Variants in NR5A2 observed in about 807,000 individuals in gnomAD.
NR5A2 encodes the protein CYP7A promoter-binding factor.
A neutral mutation model predicts 62.7 loss-of-function variants in NR5A2; 26 were observed. That is an observed-to-expected ratio of 0.41 (90% CI 0.30 to 0.58). NR5A2 has a LOEUF of 0.58. Among genes scored for constraint, NR5A2 ranks in the 20% least tolerant of loss-of-function variants. The pLI, the probability that NR5A2 is intolerant of heterozygous loss-of-function variation, is 0.22. For synonymous variants in NR5A2, 246 were observed against 241.7 expected (o/e 1.02, Z -0.16); for missense variants, 541 against 669.1 (o/e 0.81, Z 2.11).
At chr1:200,094,597 A>T (rs1046585498) in intron 5 of NR5A2, among the ~76,000 whole-genome samples, 21 of 118,974 alleles carry the variant, frequency 1.8e-4, no homozygotes, top group Non-Finnish European at 2.8e-4. Flanking sequence ...CAGTGGTTCG[A>T]TCTCGGCTCA....
chr1:200,147,651 G>C lies in NR5A2; in HGVS notation c.1379-26312G>C. On this transcript the variant is annotated intron_variant, in intron 7 of 7. Transcript: ENST00000367362. This position sits in a 1 kb window ranked among gnomAD's most constrained non-coding sequence, Gnocchi z 4.9. ...GCTTGCCCTGGATCTTGTCGATTGA[G>C]TTGAAGTCGGACACGTGGAAGACAT... 1 of 704,700 alleles carries C rather than the reference G, an allele frequency of 1.4e-6. No homozygotes were observed. The highest frequency in any genetic ancestry group is 2.7e-6 in the Non-Finnish European group (1 of 374,916). The allele number at this position is 704,700 out of a possible 1,614,324, so 43.7% of individuals were successfully genotyped here.
At chr1:200,127,559 C>G (rs1666758390) in intron 7 of NR5A2, among the ~76,000 whole-genome samples, 1 of 150,730 alleles carries the variant, frequency 6.6e-6, no homozygotes, top group East Asian at 1.9e-4. Flanking sequence ...CACCTGTAAT[C>G]CCAGCTATTT....
chr1:200,072,182 A>G (rs1470890235), intron 5 of NR5A2, among the ~76,000 whole-genome samples: 1 of 152,208 alleles, frequency 6.6e-6, no homozygotes, highest in African/African-American at 2.4e-5. Context: ...TAATACTGGG[A>G]AACCCTATTG....
In NR5A2 at chr1:200,043,835, G is replaced by A. The variant is rs201645640; in HGVS notation, c.264G>A (p.Val88=). The change falls in exon 3 of 8, where the codon GTG becomes GTA. Residue 88 remains valine (V), a synonymous_variant. Coordinates refer to ENST00000367362, the MANE Select transcript of NR5A2 (RefSeq NM_205860.3). The part of the protein sequence containing the change: ...YDEDLEELCP[V]CGDKVSGYHY... ...AAGATCTGGAAGAGCTTTGTCCCGT[G>A]TGTGGAGATAAAGTGTCTGGGTACC... is the stretch of plus-strand genomic sequence containing the variant. The A allele has an allele frequency of 1.3e-4, 207 of 1,613,850 alleles. No homozygotes were observed. The highest frequency in any genetic ancestry group is 1.7e-4 in the Non-Finnish European group (197 of 1,179,932).
intron 5 of NR5A2, among the ~76,000 whole-genome samples, chr1:200,095,119 T>C (rs1473413280): frequency 1.5e-5 from 1 of 66,702 alleles, no homozygotes; most frequent in Non-Finnish European, 3.0e-5. Context: ...GACCTCCTTT[T>C]TAATAAAAAG....
intron 5 of NR5A2, among the ~76,000 whole-genome samples, chr1:200,050,782 CT>C (rs1466772432): frequency 6.6e-6 from 1 of 152,162 alleles, no homozygotes; most frequent in East Asian, 1.9e-4. Context: ...ATCCCAGCTT[CT>C]AGGGAGGCTG....
chr1:200,162,679 C>T (rs944634442), intron 7 of NR5A2, among the ~76,000 whole-genome samples: 1 of 151,976 alleles, frequency 6.6e-6, no homozygotes, highest in Non-Finnish European at 1.5e-5. Context: ...AGATTCAAGA[C>T]GCAATTAGAA....
At chr1:200,032,854 T>C (rs1661596375) in intron 1 of NR5A2, among the ~76,000 whole-genome samples, 1 of 152,224 alleles carries the variant, frequency 6.6e-6, no homozygotes, top group African/African-American at 2.4e-5. Context: ...ACATACTCTT[T>C]CTCCAAAGTG....
intron 5 of NR5A2, among the ~76,000 whole-genome samples, chr1:200,079,510 C>T (rs1025754794): frequency 1.3e-5 from 2 of 152,204 alleles, no homozygotes; most frequent in African/African-American, 4.8e-5. Context: ...TTCCACAAGC[C>T]TCTCAGGCTT....
In NR5A2 at chr1:200,033,371, A is replaced by G. The variant is rs2246062; in HGVS notation, c.64+5460A>G. ...AAACATACTGTTGTACCATGAGAGGAGGGGATAGGGAAAGACAATTTAGGT... is the reference window on the plus strand; with the variant it reads ...AAACATACTGTTGTACCATGAGAGGGGGGGATAGGGAAAGACAATTTAGGT... On this transcript the variant is annotated intron_variant, in intron 1 of 7. Coordinates refer to ENST00000367362, the MANE Select transcript of NR5A2 (RefSeq NM_205860.3). Among the ~76,000 whole-genome samples the G allele has an allele frequency of 5.8e-3, 890 of 152,180 alleles. 4 individuals carry two copies. The highest frequency in any genetic ancestry group is 8.5e-3 in the Non-Finnish European group (580 of 68,004).
At chr1:200,059,744 A>G (rs764886420) in intron 5 of NR5A2, among the ~76,000 whole-genome samples, 8 of 152,146 alleles carry the variant, frequency 5.3e-5, no homozygotes, top group Non-Finnish European at 7.4e-5. Flanking sequence ...GATCTTTTTT[A>G]TTTTCCAGGA....
At chr1:200,037,109 A>G (rs1044128337) in intron 1 of NR5A2, among the ~76,000 whole-genome samples, 1 of 152,128 alleles carries the variant, frequency 6.6e-6, no homozygotes, top group Non-Finnish European at 1.5e-5. Flanking sequence ...ACTGGCATGG[A>G]CCAAGAAGTC....
In NR5A2 at chr1:200,039,855, T is replaced by TGAAGGCTTCAGCCTCCCGCCCC; in HGVS notation, c.202+61_202+62insAAGGCTTCAGCCTCCCGCCCCG. On this transcript the variant is annotated intron_variant, in intron 2 of 7. Transcript: ENST00000367362. The surrounding 1 kb of genome is among the most constrained non-coding windows in gnomAD (Gnocchi z 5.1). Reference sequence around the variant, plus strand: ...TGCTTCCCCACCCCCGGGCTCGCCCTGCAGGCTTCAGCCTCCCGCCCCGCG... The same window carrying TGAAGGCTTCAGCCTCCCGCCCC: ...TGCTTCCCCACCCCCGGGCTCGCCCTGAAGGCTTCAGCCTCCCGCCCCGCAGGCTTCAGCCTCCCGCCCCGCG... 2 of 1,532,456 alleles carry TGAAGGCTTCAGCCTCCCGCCCC rather than the reference T, an allele frequency of 1.3e-6. No individual in the cohort carries two copies. The highest frequency in any genetic ancestry group is 1.7e-6 in the Non-Finnish European group (2 of 1,145,816). The allele number at this position is 1,532,456 out of a possible 1,614,324, so 94.9% of individuals were successfully genotyped here. A position where few individuals can be genotyped will look rare whatever the true frequency, so the allele number is the denominator to read the frequency against.
In NR5A2 at chr1:200,147,664, A is replaced by G. The variant is rs759077470; in HGVS notation, c.1379-26299A>G. ...CTTGTCGATTGAGTTGAAGTCGGAC[A>G]CGTGGAAGACATGGGTGGACTTGGG... is the stretch of plus-strand genomic sequence containing the variant. On this transcript the variant is annotated intron_variant, in intron 7 of 7. Transcript: ENST00000367362. This position sits in a 1 kb window ranked among gnomAD's most constrained non-coding sequence, Gnocchi z 4.9. 1.4e-6 allele frequency: 1 copy of G among 698,798 alleles called. No individual in the cohort carries two copies. Among genetic ancestry groups the G allele is most frequent in the Non-Finnish European group, 2.7e-6 (1 of 370,758 alleles). 43.3% of individuals were successfully genotyped at this position (698,798 alleles called of 1,614,324 possible).
At chr1:200,172,426 C>T (rs1654224997) in intron 7 of NR5A2, among the ~76,000 whole-genome samples, 1 of 152,172 alleles carries the variant, frequency 6.6e-6, no homozygotes, top group African/African-American at 2.4e-5. Context: ...CACCGGAAGA[C>T]TCAGAGCTCC....
At chr1:200,128,427 C>T (rs1666822638) in intron 7 of NR5A2, among the ~76,000 whole-genome samples, 2 of 152,186 alleles carry the variant, frequency 1.3e-5, no homozygotes, top group African/African-American at 4.8e-5. Flanking sequence ...TTCTTAAAGA[C>T]TTCCTCCTTG....
At chr1:200,089,661 G>C (rs1210653981) in intron 5 of NR5A2, among the ~76,000 whole-genome samples, 2 of 151,728 alleles carry the variant, frequency 1.3e-5, no homozygotes, top group Non-Finnish European at 2.9e-5. Flanking sequence ...GTAGAGATGG[G>C]GTTTTGCCAT....
At chr1:200,150,161 A>T (rs1653001364) in intron 7 of NR5A2, among the ~76,000 whole-genome samples, 1 of 152,208 alleles carries the variant, frequency 6.6e-6, no homozygotes, top group Non-Finnish European at 1.5e-5. Context: ...TGTTATGTCA[A>T]TTCATGAAAT....
chr1:200,047,216 C>T (rs1662407825), intron 4 of NR5A2, among the ~76,000 whole-genome samples: 2 of 152,218 alleles, frequency 1.3e-5, no homozygotes, highest in Admixed American at 6.5e-5. Context: ...ACCACTGTCG[C>T]AGAAGACTCT....
Sources: allele counts gnomAD v4.1 joint callset (sites outside exome capture counted in the v4.1 genomes callset), GRCh38; gene constraint gnomAD v4.1.1; non-coding constraint Gnocchi (gnomAD v3.1); transcripts MANE v1.5; gene names NCBI Gene and HGNC (gene_info 2026-07-23, HGNC 2026-07-21).